Variants in ERAP1 observed in about 807,000 individuals in gnomAD.
ERAP1 encodes the protein adipocyte-derived leucine aminopeptidase.
ERAP1 carries 86 observed loss-of-function variants against 103.7 expected under a neutral mutation model. That is an observed-to-expected ratio of 0.83 (90% CI 0.70 to 0.99). ERAP1 has a LOEUF of 0.99. Ranked by LOEUF, ERAP1 falls within the 50% of genes least tolerant of loss-of-function variation. The pLI, the probability that ERAP1 is intolerant of heterozygous loss-of-function variation, is 0.00. For synonymous variants in ERAP1, 398 were observed against 402.4 expected (o/e 0.99, Z 0.13); for missense variants, 1,009 against 1,128.4 (o/e 0.89, Z 1.52).
At position 96,790,580 on chromosome 5, in the gene ERAP1, C is replaced by G. The variant is rs1390375975; in HGVS notation, c.1384G>C (p.Val462Leu). Reference sequence around the variant, plus strand: ...TAGCTATGCTTCTGGAGATACTGTACAATACCACTTTTAAATGCGTCAGCA... The same window carrying G: ...TAGCTATGCTTCTGGAGATACTGTAGAATACCACTTTTAAATGCGTCAGCA... ...LSADAFKSGI[V>L]QYLQKHSYKN... Residue 462 changes from valine (V) to leucine (L), a missense_variant, in exon 9 of 19, where the codon GTA (valine) becomes CTA (leucine). Coordinates refer to ENST00000443439, the MANE Select transcript of ERAP1 (RefSeq NM_001040458.3). 1 of 1,613,026 alleles carries G rather than the reference C, an allele frequency of 6.2e-7. No homozygotes were observed. The highest frequency in any genetic ancestry group is 1.7e-5 in the Admixed American group (1 of 60,030).
At chr5:96,798,324 CAAA>C (rs3076633) in intron 3 of ERAP1, among the ~76,000 whole-genome samples, 5 of 76,364 alleles carry the variant, frequency 6.5e-5, no homozygotes, top group Middle Eastern at 6.8e-3. Flanking sequence ...GACTCCATCT[CAAA>C]AAAAAAAAAA....
the ERAP1 span, among the ~76,000 whole-genome samples, chr5:96,821,908 G>A: frequency 6.6e-6 from 1 of 152,214 alleles, no homozygotes; most frequent in Non-Finnish European, 1.5e-5. Context: ...AAAGGCTGGG[G>A]TTAATTCCAG....
chr5:96,879,239 A>C, the ERAP1 span, among the ~76,000 whole-genome samples: 1 of 152,218 alleles, frequency 6.6e-6, no homozygotes, highest in Non-Finnish European at 1.5e-5. Flanking sequence ...TAAATAAATA[A>C]ACAAAAATTT....
At chr5:96,899,013 G>A in the ERAP1 span, among the ~76,000 whole-genome samples, 1 of 152,140 alleles carries the variant, frequency 6.6e-6, no homozygotes, top group Non-Finnish European at 1.5e-5. Flanking sequence ...GGCAGTAGAG[G>A]GTGGGAGTTA....
the ERAP1 span, among the ~76,000 whole-genome samples, chr5:96,856,365 T>TATATATATATATAG: frequency 3.7e-3 from 76 of 20,360 alleles, 2 homozygotes; most frequent in Non-Finnish European, 4.8e-3. Context: ...TATATATATA[T>TATATATATATATAG]AGAGAGAGAG....
intron 11 of ERAP1, among the ~76,000 whole-genome samples, chr5:96,787,709 T>C (rs1776213648): frequency 6.6e-6 from 1 of 152,104 alleles, no homozygotes; most frequent in Non-Finnish European, 1.5e-5. Flanking sequence ...TGTATGTAGA[T>C]AGATGGATAT....
the ERAP1 span, among the ~76,000 whole-genome samples, chr5:96,825,771 AAC>A: frequency 6.6e-6 from 1 of 152,226 alleles, no homozygotes; most frequent in African/African-American, 2.4e-5. Context: ...CTTCTGTTGT[AAC>A]ACACAATTAT....
In ERAP1 at chr5:96,775,388, C is replaced by CTAGT. The variant is rs138961474; in HGVS notation, c.*1004_*1007dup. On this transcript the variant is annotated 3_prime_UTR_variant, in exon 19 of 19. Coordinates refer to ENST00000443439, the MANE Select transcript of ERAP1 (RefSeq NM_001040458.3). ...ATTTACTGTCAGTAAATGCCAATAA[C>CTAGT]TAGTTAGTTAGAAATTGTAAAGTAG... 3.6e-5 allele frequency: 35 copies of CTAGT among 985,104 alleles called. No homozygotes were observed. The highest frequency in any genetic ancestry group is 1.2e-4 in the African/African-American group (7 of 57,138). The allele number at this position is 985,104 out of a possible 1,614,324, so 61.0% of individuals were successfully genotyped here.
At chr5:96,819,805 T>C in the ERAP1 span, among the ~76,000 whole-genome samples, 3 of 152,224 alleles carry the variant, frequency 2.0e-5, no homozygotes, top group South Asian at 4.1e-4. Flanking sequence ...TATTCTAGTA[T>C]TTTGTGAGTG....
At chr5:96,864,283 G>A in the ERAP1 span, among the ~76,000 whole-genome samples, 12 of 152,190 alleles carry the variant, frequency 7.9e-5, no homozygotes, top group African/African-American at 2.9e-4. Context: ...TGACACAGTA[G>A]CTGAGCCAAA....
intron 2 of ERAP1, among the ~76,000 whole-genome samples, chr5:96,803,196 G>T (rs1778182592): frequency 6.6e-6 from 1 of 151,988 alleles, no homozygotes; most frequent in Non-Finnish European, 1.5e-5. Context: ...TAGAGCTGGG[G>T]GAAAGAAAAT....
chr5:96,881,516 T>C, the ERAP1 span: 6 of 454,892 alleles, frequency 1.3e-5, no homozygotes, highest in African/African-American at 1.0e-4. Flanking sequence ...TCTCACGTTA[T>C]GTGAATTGTG....
At chr5:96,888,476 G>C in the ERAP1 span, among the ~76,000 whole-genome samples, 1 of 152,332 alleles carries the variant, frequency 6.6e-6, no homozygotes, top group East Asian at 1.9e-4. Flanking sequence ...GTGGGCACAA[G>C]TATTAAATTA....
At chr5:96,896,524 G>C in the ERAP1 span, 1 of 1,595,948 alleles carries the variant, frequency 6.3e-7, no homozygotes, top group Non-Finnish European at 8.5e-7. Context: ...ATCAGGTGCA[G>C]GTGGAAGCTC....
chr5:96,929,281 C>T, the ERAP1 span, among the ~76,000 whole-genome samples: 3 of 152,204 alleles, frequency 2.0e-5, no homozygotes, highest in Non-Finnish European at 4.4e-5. Context: ...CTGCCTTATG[C>T]CCCTCAGCAG....
chr5:96,879,080 G>A, the ERAP1 span, among the ~76,000 whole-genome samples: 1 of 152,114 alleles, frequency 6.6e-6, no homozygotes, highest in South Asian at 2.1e-4. Context: ...GTAGCCGAGT[G>A]TGGCGGTGTG....
chr5:96,821,483 C>T, the ERAP1 span, among the ~76,000 whole-genome samples: 1 of 152,158 alleles, frequency 6.6e-6, no homozygotes, highest in South Asian at 2.1e-4. Context: ...AGGGGAAGGG[C>T]AGGCCTGGGC....
chr5:96,872,147 A>G, the ERAP1 span, among the ~76,000 whole-genome samples: 1 of 152,166 alleles, frequency 6.6e-6, no homozygotes, highest in African/African-American at 2.4e-5. Flanking sequence ...TTTGAAAAAT[A>G]AAATGGAAGT....
the ERAP1 span, among the ~76,000 whole-genome samples, chr5:96,866,687 C>T: frequency 1.3e-5 from 2 of 152,148 alleles, no homozygotes; most frequent in Non-Finnish European, 1.5e-5. Flanking sequence ...GGAGAGACCT[C>T]GTACATGCAC....
Sources: gnomAD v4.1 joint callset for allele counts (sites outside exome capture counted in the v4.1 genomes callset) on GRCh38, gnomAD v4.1.1 for gene constraint, MANE v1.5 for transcripts, NCBI Gene and HGNC (gene_info 2026-07-23, HGNC 2026-07-21) for gene names.